SLC18A2: variants seen among roughly 807,000 people sequenced by gnomAD.
SLC18A2 encodes the protein synaptic vesicular amine transporter.
Under a neutral mutation model 59.2 loss-of-function variants are expected in SLC18A2, and 33 were observed. The ratio of observed to expected loss-of-function variants is 0.56; its 90% CI spans 0.42 to 0.75. The LOEUF is 0.75. Ranked by LOEUF, SLC18A2 falls within the 30% of genes least tolerant of loss-of-function variation. SLC18A2 has a pLI of 0.00. For missense variants in SLC18A2, 569 were observed against 668.6 expected (o/e 0.85, Z 1.64); for synonymous variants, 228 against 253.5 (o/e 0.90, Z 0.95).
rs1292476345 is a variant in SLC18A2 at position 117,270,434 on chromosome 10, C to G, written c.1411C>G (p.Arg471Gly). The G allele has an allele frequency of 1.2e-6, 2 of 1,613,670 alleles. No individual in the cohort carries two copies. Among genetic ancestry groups the G allele is most frequent in the African/African-American group, 2.7e-5 (2 of 74,860 alleles). The change falls in exon 15 of 16, where the codon CGA (arginine) becomes GGA (glycine). Residue 471 changes from arginine (R) to glycine (G), a missense_variant. Arg to Gly is a moderately radical substitution (Grantham distance 125). Around this residue, in one of 2 missense-constraint regions of SLC18A2, gnomAD observed 192 missense variants for 278.8 expected, o/e 0.69. Coordinates refer to ENST00000644641, the MANE Select transcript of SLC18A2 (RefSeq NM_003054.6). ...TTTTGCCCCTCTCTGCTTTTTTCTT[C>G]GAAGTCCACCTGCCAAAGAAGAAAA... ...ILFAPLCFFL[R>G]SPPAKEEKMA...
At chr10:117,275,052 G>A (rs942492235) in intron 15 of SLC18A2, among the ~76,000 whole-genome samples, 9 of 152,094 alleles carry the variant, frequency 5.9e-5, no homozygotes, top group South Asian at 2.1e-4. Flanking sequence ...ATTTCCTTGC[G>A]AATCATTAAT....
intron 3 of SLC18A2, among the ~76,000 whole-genome samples, chr10:117,250,718 A>G (rs79900348): frequency 0.03 from 4,587 of 152,280 alleles, 223 homozygotes; most frequent in African/African-American, 0.11. Context: ...CCCGAGCCTC[A>G]GTGTTGATCC....
intron 13 of SLC18A2, among the ~76,000 whole-genome samples, chr10:117,268,981 CACATTCATACACACAA>C (rs1445474568): frequency 1.9e-5 from 1 of 53,386 alleles, no homozygotes; most frequent in Non-Finnish European, 6.4e-5. Flanking sequence ...CACAAACACA[CACATTCATACACACAA>C]ACACACATAC....
At chr10:117,255,044 G>C (rs746445942) in intron 6 of SLC18A2, among the ~76,000 whole-genome samples, 2 of 152,172 alleles carry the variant, frequency 1.3e-5, no homozygotes, top group African/African-American at 4.8e-5. Flanking sequence ...TGTTTCTCTC[G>C]GGCCTTTGCT....
rs940237705 is a variant in SLC18A2, at chr10:117,255,336, G to C, written c.760G>C (p.Val254Leu). ...TGTGGGGAAGACGGCTCCGTTCCTGGTGCTGGCCGCCCTGGTACTCTTGGA... is the reference window on the plus strand; with the variant it reads ...TGTGGGGAAGACGGCTCCGTTCCTGCTGCTGGCCGCCCTGGTACTCTTGGA... ...EFVGKTAPFLVLAALVLLDGA... is the reference protein window; with the variant it reads ...EFVGKTAPFLLLAALVLLDGA... The change falls in exon 7 of 16, where the codon GTG (valine) becomes CTG (leucine). Residue 254 changes from valine to leucine, a missense_variant. Physicochemically the swap from Val to Leu is conservative, Grantham distance 32 (BLOSUM62 1). Around this residue, in one of 2 missense-constraint regions of SLC18A2, gnomAD observed 377 missense variants for 389.8 expected, o/e 0.97. Transcript: ENST00000644641. 4 of 1,614,130 alleles carry C rather than the reference G, an allele frequency of 2.5e-6. No individual in the cohort carries two copies. Among genetic ancestry groups the C allele is most frequent in the Non-Finnish European group, 2.5e-6 (3 of 1,180,044 alleles).
intron 11 of SLC18A2, 80 bp from the exon 12 acceptor site, chr10:117,266,904 A>G (rs1844355039): frequency 1.3e-6 from 2 of 1,560,426 alleles, no homozygotes; most frequent in African/African-American, 2.7e-5. Context: ...GTTACAAGTA[A>G]TTGTTTTGAT....
At chr10:117,273,003 T>G (rs1844444062) in intron 15 of SLC18A2, among the ~76,000 whole-genome samples, 2 of 152,202 alleles carry the variant, frequency 1.3e-5, no homozygotes, top group South Asian at 4.1e-4. Context: ...TGCCAAATGC[T>G]GGGGGATGTG....
intron 6 of SLC18A2, 70 bp downstream of exon 6, chr10:117,254,567 GC>G: frequency 1.4e-5 from 16 of 1,138,368 alleles, no homozygotes; most frequent in Admixed American, 4.8e-5. Context: ...GGCAGTCCTC[GC>G]CCAGTGACCC....
At chr10:117,247,753 T>A (rs1308999130) in intron 3 of SLC18A2, among the ~76,000 whole-genome samples, 1 of 152,208 alleles carries the variant, frequency 6.6e-6, no homozygotes, top group Non-Finnish European at 1.5e-5. Flanking sequence ...TGGTCCAGCC[T>A]CGTGCATCCC....
intron 3 of SLC18A2, among the ~76,000 whole-genome samples, chr10:117,251,902 G>A (rs1844165828): frequency 6.6e-6 from 1 of 152,100 alleles, no homozygotes; most frequent in Non-Finnish European, 1.5e-5. Context: ...TCTGGTGGGT[G>A]TAAATGCTTG....
At chr10:117,268,427 G>A (rs1203190239) in intron 13 of SLC18A2, 2 of 152,358 alleles carry the variant, frequency 1.3e-5, no homozygotes, top group African/African-American at 4.8e-5. Flanking sequence ...TGGTACTCTA[G>A]GTCCTTCTCA....
Position 117,246,563 on chromosome 10 carries a change from A to C in SLC18A2, c.464+2250A>C, listed in dbSNP as rs578239245. On this transcript the variant is annotated intron_variant, in intron 3 of 15. Transcript: ENST00000644641. ...CACTTTAGAAATTATCTAGAGCAAA[A>C]TTGTAATCCCCAACTGTTTTGTCCA... Among the ~76,000 whole-genome samples the C allele has an allele frequency of 5.5e-4, 84 of 152,342 alleles. No homozygotes were observed. In the Middle Eastern group the frequency reaches 0.02, roughly 37 times the overall value.
At chr10:117,262,371 G>A (rs1443645420) in intron 10 of SLC18A2, among the ~76,000 whole-genome samples, 1 of 152,224 alleles carries the variant, frequency 6.6e-6, no homozygotes, top group Non-Finnish European at 1.5e-5. Flanking sequence ...CAAGATGAAA[G>A]TGGAAGCCCA....
chr10:117,247,755 G>A lies in SLC18A2; in HGVS notation c.464+3442G>A, dbSNP rs1398884469. On this transcript the variant is annotated intron_variant, in intron 3 of 15. Transcript: ENST00000644641. ...CCCTGATGTGAACTGGTCCAGCCTC[G>A]TGCATCCCTAAAGATGTGTGGGGAA... Among the ~76,000 whole-genome samples the A allele has an allele frequency of 4.6e-5, 7 of 152,242 alleles. No homozygotes were observed. In the South Asian group the frequency reaches 1.0e-3, roughly 23 times the overall value.
At chr10:117,272,722 A>C (rs549266958) in intron 15 of SLC18A2, among the ~76,000 whole-genome samples, 5 of 152,322 alleles carry the variant, frequency 3.3e-5, no homozygotes, top group Admixed American at 6.5e-5. Flanking sequence ...GAAGGTGTGC[A>C]TCTCGCTGCC....
chr10:117,270,002 TCC>T (rs1844406513), intron 13 of SLC18A2, 67 bp from the exon 14 acceptor site: 3 of 1,587,892 alleles, frequency 1.9e-6, no homozygotes, highest in African/African-American at 2.7e-5. Flanking sequence ...TAAGACACAC[TCC>T]CTGATATTCG....
chr10:117,264,163 G>C (rs1257938082), intron 10 of SLC18A2, among the ~76,000 whole-genome samples: 1 of 152,236 alleles, frequency 6.6e-6, no homozygotes, highest in African/African-American at 2.4e-5. Context: ...GTACCAAAAT[G>C]TAGAAGATCT....
At chr10:117,254,614 T>C (rs945182705) in intron 6 of SLC18A2, 117 bp downstream of exon 6, 2 of 547,484 alleles carry the variant, frequency 3.7e-6, no homozygotes, top group African/African-American at 1.9e-5. Context: ...GTCCCCTTTT[T>C]ATTTTTTTCC....
chr10:117,244,179 G>A lies in SLC18A2; in HGVS notation c.330G>A (p.Ala110=), dbSNP rs756991714. ...CCACACAGCACATGGTGACCAACGC[G>A]TCCGCTGTTCCTTCCGACTGTCCCA... The part of the protein sequence containing the change: ...QTATQHMVTN[A]SAVPSDCPSE... The change falls in exon 3 of 16, where the codon GCG becomes GCA. Residue 110 remains alanine (A), a synonymous_variant. Coordinates refer to ENST00000644641, the MANE Select transcript of SLC18A2 (RefSeq NM_003054.6). 16 of 1,614,062 alleles carry A rather than the reference G, an allele frequency of 9.9e-6. No homozygotes were observed. Among genetic ancestry groups the A allele is most frequent in the South Asian group, 8.8e-5 (8 of 91,084 alleles).
Sources: allele counts gnomAD v4.1 joint callset (sites outside exome capture counted in the v4.1 genomes callset), GRCh38; gene constraint gnomAD v4.1.1; regional missense constraint gnomAD v4.1.1; transcripts MANE v1.5; gene names NCBI Gene and HGNC (gene_info 2026-07-23, HGNC 2026-07-21).